The following MMD2 variants were observed in gnomAD, a reference collection of about 807,000 sequenced individuals.
MMD2 encodes monocyte to macrophage differentiation associated 2.
MMD2 carries 30 observed loss-of-function variants against 33.5 expected under a neutral mutation model. That is an observed-to-expected ratio of 0.90 (90% CI 0.67 to 1.22). The LOEUF (loss-of-function observed/expected upper bound fraction) is 1.22, where lower values mean the gene tolerates loss of function less well. Ranked by LOEUF, MMD2 falls within the 50% of genes most tolerant of loss-of-function variation. The pLI is 0.00. For missense variants in MMD2, 364 were observed against 325.4 expected (o/e 1.12, Z -0.91); for synonymous variants, 129 against 123.0 (o/e 1.05, Z -0.32).
chr7:4,914,515 GT>G (rs1785093318), intron 4 of MMD2, among the ~76,000 whole-genome samples: 2 of 152,170 alleles, frequency 1.3e-5, no homozygotes, highest in South Asian at 4.1e-4. Flanking sequence ...CGGTTTGTTT[GT>G]TTTTGTCCCC....
intron 1 of MMD2, among the ~76,000 whole-genome samples, chr7:4,956,607 C>T (rs1786387719): frequency 6.6e-6 from 1 of 152,094 alleles, no homozygotes; most frequent in Admixed American, 6.6e-5. Flanking sequence ...AAGACTGGCC[C>T]GTGCTCCAGC....
rs559911088 is a variant in MMD2 at position 4,916,445 on chromosome 7, C to T, written c.291-366G>A. 2.8e-5 allele frequency among the ~76,000 whole-genome samples: 4 copies of T among 142,312 alleles called. 1 individual carries two copies. The South Asian group carries it at 8.9e-4, about 32-fold the overall frequency. 93.4% of individuals were successfully genotyped at this position (142,312 alleles called of 152,430 possible). On this transcript the variant is annotated intron_variant, in intron 3 of 6. Transcript: ENST00000401401. ...TCTCCCAGGCTGGAGTGCAGTGGCACGATCTCAGCTCACTGCAACCTCCGC... is the reference window on the plus strand; with the variant it reads ...TCTCCCAGGCTGGAGTGCAGTGGCATGATCTCAGCTCACTGCAACCTCCGC...
chr7:4,910,071 C>T (rs1784968833), intron 5 of MMD2, 121 bp from the exon 6 acceptor site: 1 of 1,605,740 alleles, frequency 6.2e-7, no homozygotes, highest in South Asian at 1.1e-5. Flanking sequence ...AGAAAGGACG[C>T]TTTCTCTGTC....
chr7:4,899,147 G>A, the MMD2 span, among the ~76,000 whole-genome samples: 12 of 152,178 alleles, frequency 7.9e-5, no homozygotes, highest in African/African-American at 2.6e-4. Context: ...CACCACCTAC[G>A]AACCAGGAAA....
At chr7:4,942,284 T>TTGG (rs1554273046) in intron 1 of MMD2, among the ~76,000 whole-genome samples, 3 of 148,944 alleles carry the variant, frequency 2.0e-5, no homozygotes, top group African/African-American at 7.6e-5. Context: ...TCTGTAGAGA[T>TTGG]GGGGGGGGTC....
At position 4,907,343 on chromosome 7, in the gene MMD2, C is replaced by T. The variant is rs75099081; in HGVS notation, c.*53G>A. 44,123 of 1,578,708 alleles carry T rather than the reference C, an allele frequency of 0.028. 774 individuals carry two copies. Among genetic ancestry groups the T allele is most frequent in the Non-Finnish European group, 0.034 (39,318 of 1,149,826 alleles). On this transcript the variant is annotated 3_prime_UTR_variant, in exon 7 of 7. Transcript: ENST00000401401. ...GCGCTGTGCTCTGGGTTAACGTTCA[C>T]AGAAACGTGCTCCACTCCTAAAGCC...
chr7:4,921,611 A>C (rs1785287008), intron 2 of MMD2, among the ~76,000 whole-genome samples: 1 of 140,014 alleles, frequency 7.1e-6, no homozygotes, highest in Admixed American at 7.4e-5. Flanking sequence ...ACAGAGCAAG[A>C]CTCTGTCTCA....
At chr7:4,938,969 A>T (rs1390790072) in intron 1 of MMD2, among the ~76,000 whole-genome samples, 1 of 150,318 alleles carries the variant, frequency 6.7e-6, no homozygotes, top group Non-Finnish European at 1.5e-5. Flanking sequence ...GCACTTTGGG[A>T]GGTTGGGGCG....
intron 1 of MMD2, among the ~76,000 whole-genome samples, chr7:4,950,508 C>A (rs1320896659): frequency 6.6e-6 from 1 of 152,116 alleles, no homozygotes; most frequent in Non-Finnish European, 1.5e-5. Flanking sequence ...ATTCCCTACC[C>A]ACCCTCACCT....
intron 2 of MMD2, among the ~76,000 whole-genome samples, chr7:4,924,069 G>A (rs1042493011): frequency 2.6e-5 from 4 of 152,170 alleles, no homozygotes; most frequent in Admixed American, 2.6e-4. Flanking sequence ...GCGGGCGCCT[G>A]TAGTCCCAGC....
intron 1 of MMD2, among the ~76,000 whole-genome samples, chr7:4,933,399 A>G (rs1562487736): frequency 6.6e-6 from 1 of 152,174 alleles, no homozygotes; most frequent in Non-Finnish European, 1.5e-5. Context: ...TTTGTTTTAT[A>G]CTAAAAGAAA....
At chr7:4,944,465 A>T (rs1456062622) in intron 1 of MMD2, among the ~76,000 whole-genome samples, 1 of 152,080 alleles carries the variant, frequency 6.6e-6, no homozygotes, top group Non-Finnish European at 1.5e-5. Flanking sequence ...CCCACGCTGG[A>T]TCTGTGGAGC....
At chr7:4,902,199 G>A (rs1022713328), downstream of MMD2, among the ~76,000 whole-genome samples, 5 of 152,266 alleles carry the variant, frequency 3.3e-5, no homozygotes, top group East Asian at 1.9e-4. Flanking sequence ...TGATCCACCC[G>A]CCTTGGCCTC....
intron 4 of MMD2, among the ~76,000 whole-genome samples, chr7:4,913,485 G>C (rs569507865): frequency 2.5e-4 from 38 of 152,116 alleles, no homozygotes; most frequent in African/African-American, 8.9e-4. Flanking sequence ...GGGAGGCCGA[G>C]GCAGGTGGAT....
chr7:4,909,843 T>C (rs752392987), intron 6 of MMD2, 38 bp downstream of exon 6: 1 of 1,586,180 alleles, frequency 6.3e-7, no homozygotes, highest in African/African-American at 1.3e-5. Flanking sequence ...TCTTGGTCTC[T>C]TGCAGGGACT....
chr7:4,938,199 C>G (rs1021739741), intron 1 of MMD2, among the ~76,000 whole-genome samples: 2 of 151,342 alleles, frequency 1.3e-5, no homozygotes, highest in African/African-American at 4.9e-5. Flanking sequence ...TTAGTAGAGA[C>G]GGGGTTTTGC....
intron 3 of MMD2, among the ~76,000 whole-genome samples, chr7:4,919,643 T>C (rs1314935703): frequency 2.0e-5 from 3 of 152,052 alleles, no homozygotes; most frequent in Non-Finnish European, 4.4e-5. Context: ...CCCAACACTT[T>C]GGGAGGCCGA....
intron 4 of MMD2, among the ~76,000 whole-genome samples, chr7:4,913,607 A>G (rs1785067359): frequency 6.7e-6 from 1 of 148,168 alleles, no homozygotes; most frequent in African/African-American, 2.5e-5. Context: ...AATTCCAGCT[A>G]TTTGGGAGGC....
Position 4,946,216 on chromosome 7 carries a change from C to T in MMD2, c.47+12755G>A, listed in dbSNP as rs1562494566. On this transcript the variant is annotated intron_variant, in intron 1 of 6. Transcript: ENST00000401401. The surrounding 1 kb of genome is among the most constrained non-coding windows in gnomAD (Gnocchi z 5.0). ...ACACCCACACACACGCATGCACACA[C>T]ATGCACACATACACGCACACACACG... 6.6e-6 allele frequency among the ~76,000 whole-genome samples: 1 copy of T among 151,902 alleles called. No homozygotes were observed. The highest frequency in any genetic ancestry group is 2.1e-4 in the South Asian group (1 of 4,810).
Sources: allele counts gnomAD v4.1 joint callset (sites outside exome capture counted in the v4.1 genomes callset), GRCh38; gene constraint gnomAD v4.1.1; non-coding constraint Gnocchi (gnomAD v3.1); transcripts MANE v1.5; gene names NCBI Gene and HGNC (gene_info 2026-07-23, HGNC 2026-07-21).